The following ZNF407 variants were observed in gnomAD, a reference collection of about 807,000 sequenced individuals.
The protein encoded by ZNF407 is zinc finger protein 407.
Under a neutral mutation model 131.2 loss-of-function variants are expected in ZNF407, and 17 were observed. The observed-to-expected ratio is 0.13, with a 90% CI of 0.09 to 0.19. The LOEUF (loss-of-function observed/expected upper bound fraction) is 0.19, where lower values mean the gene tolerates loss of function less well. Among genes scored for constraint, ZNF407 ranks in the 10% least tolerant of loss-of-function variants. The pLI is 1.00. For synonymous variants in ZNF407, 1,156 were observed against 1,062.0 expected (o/e 1.09, Z -1.72); for missense variants, 2,681 against 2,830.6 (o/e 0.95, Z 1.20).
chr18:75,053,490 C>T (rs942501044), intron 8 of ZNF407, among the ~76,000 whole-genome samples: 1 of 152,190 alleles, frequency 6.6e-6, no homozygotes, highest in Non-Finnish European at 1.5e-5. Flanking sequence ...AAGTTAGTTT[C>T]TATTCATTCT....
chr18:74,955,362 A>G (rs1972263656), intron 8 of ZNF407, among the ~76,000 whole-genome samples: 1 of 152,200 alleles, frequency 6.6e-6, no homozygotes, highest in African/African-American at 2.4e-5. Context: ...GAGAGAGTTC[A>G]ACCTAGATTT....
chr18:74,836,942 A>C (rs908836071), intron 4 of ZNF407, among the ~76,000 whole-genome samples: 2 of 152,170 alleles, frequency 1.3e-5, no homozygotes, highest in African/African-American at 4.8e-5. Flanking sequence ...ATCGAAGATC[A>C]GTGATGAGGC....
At chr18:74,643,791 C>T (rs958839268) in intron 3 of ZNF407, among the ~76,000 whole-genome samples, 1 of 151,910 alleles carries the variant, frequency 6.6e-6, no homozygotes, top group African/African-American at 2.4e-5. Flanking sequence ...TTTTCATTAA[C>T]ACGTAGTTTT....
intron 1 of ZNF407, among the ~76,000 whole-genome samples, chr18:74,601,673 G>T (rs889809176): frequency 2.0e-5 from 3 of 151,968 alleles, no homozygotes; most frequent in South Asian, 2.1e-4. Flanking sequence ...GAGTGGGGAG[G>T]TGCTATGCAC....
intron 2 of ZNF407, among the ~76,000 whole-genome samples, chr18:74,639,642 C>T (rs999900128): frequency 2.0e-5 from 3 of 152,158 alleles, no homozygotes; most frequent in African/African-American, 4.8e-5. Context: ...ATATATTTTA[C>T]ATCTACTTCT....
chr18:74,758,802 A>G (rs1309683111), intron 3 of ZNF407, among the ~76,000 whole-genome samples: 2 of 151,994 alleles, frequency 1.3e-5, no homozygotes, highest in Admixed American at 6.6e-5. Context: ...CTGGTCTCGA[A>G]CTCCTGACCT....
At chr18:74,893,073 C>T (rs566515230) in intron 7 of ZNF407, among the ~76,000 whole-genome samples, 1 of 152,274 alleles carries the variant, frequency 6.6e-6, no homozygotes, top group East Asian at 1.9e-4. Context: ...AGGTTGAGAT[C>T]ATATTACTCG....
intron 7 of ZNF407, among the ~76,000 whole-genome samples, chr18:74,894,165 C>T (rs570849022): frequency 2.0e-5 from 3 of 151,892 alleles, no homozygotes; most frequent in Non-Finnish European, 4.4e-5. Context: ...AAACGTGTAC[C>T]TCCTTCATTA....
At chr18:75,020,577 T>A (rs1599297286) in intron 8 of ZNF407, among the ~76,000 whole-genome samples, 2 of 152,178 alleles carry the variant, frequency 1.3e-5, no homozygotes, top group Admixed American at 1.3e-4. Context: ...ATTAAATGAA[T>A]AGCCCAGTAA....
chr18:74,742,101 C>A (rs1279210094), intron 3 of ZNF407, among the ~76,000 whole-genome samples: 1 of 152,096 alleles, frequency 6.6e-6, no homozygotes, highest in Non-Finnish European at 1.5e-5. Flanking sequence ...GTATGGTAAT[C>A]AAAGCATTGC....
intron 8 of ZNF407, among the ~76,000 whole-genome samples, chr18:74,934,511 T>A (rs1478290140): frequency 6.6e-6 from 1 of 152,152 alleles, no homozygotes; most frequent in African/African-American, 2.4e-5. Context: ...AAGGTTTTTG[T>A]CAATTAATCA....
intron 8 of ZNF407, among the ~76,000 whole-genome samples, chr18:75,054,260 T>C (rs1599314049): frequency 6.6e-6 from 1 of 152,244 alleles, no homozygotes; most frequent in African/African-American, 2.4e-5. Flanking sequence ...AGTTAGTGTT[T>C]TACCCCAGCC....
chr18:75,007,957 G>C (rs1972930969), intron 8 of ZNF407, among the ~76,000 whole-genome samples: 1 of 152,166 alleles, frequency 6.6e-6, no homozygotes, highest in African/African-American at 2.4e-5. Flanking sequence ...GACAGGGAAA[G>C]GTAAATGGTT....
intron 8 of ZNF407, among the ~76,000 whole-genome samples, chr18:75,059,482 T>C (rs1188261537): frequency 6.6e-6 from 1 of 152,196 alleles, no homozygotes; most frequent in Non-Finnish European, 1.5e-5. Context: ...TTATTTCCGT[T>C]TTTTTCAAAT....
Position 74,631,925 on chromosome 18 carries a change from C to T in ZNF407, c.906C>T (p.His302=). The T allele has an allele frequency of 6.2e-7, 1 of 1,613,932 alleles. No homozygotes were observed. Among genetic ancestry groups the T allele is most frequent in the Non-Finnish European group, 8.5e-7 (1 of 1,179,896 alleles). ...GTACAATGGCAACAAAAAATGTTCA[C>T]TCAAAACCAAGAACTTCTAAATCAA... The part of the protein sequence containing the change: ...KSRTMATKNV[H]SKPRTSKSIA... The change falls in exon 2 of 9, where the codon CAC becomes CAT. Residue 302 remains histidine, a synonymous_variant. Coordinates refer to ENST00000299687, the MANE Select transcript of ZNF407 (RefSeq NM_017757.3).
rs545388662 is a variant in ZNF407, at chr18:74,681,519, A to G, written c.4802+40397A>G. Among the ~76,000 whole-genome samples, 11 of 152,308 alleles carry G rather than the reference A, an allele frequency of 7.2e-5. No individual in the cohort carries two copies. In the South Asian group the frequency reaches 1.5e-3, roughly 20 times the overall value. On this transcript the variant is annotated intron_variant, in intron 3 of 8. Coordinates refer to ENST00000299687, the MANE Select transcript of ZNF407 (RefSeq NM_017757.3). ...TGGCCTTCCAAGGTGCTGGGATTACAGGCTTGAGCCATCGCGCCTGGCCTG... is the reference window on the plus strand; with the variant it reads ...TGGCCTTCCAAGGTGCTGGGATTACGGGCTTGAGCCATCGCGCCTGGCCTG...
At chr18:75,058,780 C>T (rs1038288521) in intron 8 of ZNF407, among the ~76,000 whole-genome samples, 3 of 152,218 alleles carry the variant, frequency 2.0e-5, no homozygotes, top group Non-Finnish European at 4.4e-5. Flanking sequence ...CCAGTACATT[C>T]TTGGTCATAG....
intron 8 of ZNF407, among the ~76,000 whole-genome samples, chr18:74,940,437 G>A (rs926477649): frequency 6.6e-6 from 1 of 152,118 alleles, no homozygotes; most frequent in Non-Finnish European, 1.5e-5. Context: ...GTATTATCTG[G>A]GGAGGAAGCT....
chr18:75,041,757 G>A (rs569524025), intron 8 of ZNF407, among the ~76,000 whole-genome samples: 56 of 152,260 alleles, frequency 3.7e-4, no homozygotes, highest in African/African-American at 7.7e-4. Flanking sequence ...CCTAGTGGAC[G>A]ATCAGCATCC....
Sources: allele counts gnomAD v4.1 joint callset (sites outside exome capture counted in the v4.1 genomes callset), GRCh38; gene constraint gnomAD v4.1.1; transcripts MANE v1.5; gene names NCBI Gene and HGNC (gene_info 2026-07-23, HGNC 2026-07-21).